NRP2: variants seen among roughly 807,000 people sequenced by gnomAD.
The protein encoded by NRP2 is neuropilin 2.
Under a neutral mutation model 110.4 loss-of-function variants are expected in NRP2, and 52 were observed. That is an observed-to-expected ratio of 0.47 (90% confidence interval 0.38 to 0.59). NRP2 has a LOEUF of 0.59. Among genes scored for constraint, NRP2 ranks in the 20% least tolerant of loss-of-function variants. The probability of loss-of-function intolerance (pLI) is 0.00; values close to 1 mark genes in which losing one functional copy is unlikely to be tolerated. For synonymous variants in NRP2, 508 were observed against 468.9 expected, an observed-to-expected ratio of 1.08 and a Z score of -1.08; for missense variants, 1,049 against 1,203.0, an observed-to-expected ratio of 0.87 and a Z score of 1.89.
intron 13 of NRP2, among the ~76,000 whole-genome samples, chr2:205,764,990 A>G (rs753932557): frequency 2.6e-5 from 4 of 152,196 alleles, no homozygotes; most frequent in Non-Finnish European, 5.9e-5. Flanking sequence ...TCCTAGTTGT[A>G]ATAATGAAGC....
chr2:205,721,692 C>T (rs1005524358), intron 3 of NRP2, among the ~76,000 whole-genome samples: 6 of 152,172 alleles, frequency 3.9e-5, no homozygotes, highest in Admixed American at 1.3e-4. Context: ...AAAGCAGACG[C>T]AAGAGCTCAG....
intron 5 of NRP2, 50 bp downstream of exon 5, chr2:205,723,990 G>T: frequency 6.2e-7 from 1 of 1,607,720 alleles, no homozygotes; most frequent in Non-Finnish European, 8.5e-7. Flanking sequence ...TCAGGGCTGT[G>T]AGGGTGTACA....
At position 205,794,900 on chromosome 2, in the gene NRP2, G is replaced by A; in HGVS notation, c.2623G>A (p.Gly875Arg). The A allele has an allele frequency of 6.2e-7, 1 of 1,614,106 alleles. No individual in the cohort carries two copies. Among genetic ancestry groups the A allele is most frequent in the Non-Finnish European group, 8.5e-7 (1 of 1,180,018 alleles). ...CATGAGCTCACTGGGCGTCCTCCTG[G>A]GGGCCACCTGTGCAGGCCTCCTGCT... ...IAMSSLGVLLGATCAGLLLYC... is the reference protein window; with the variant it reads ...IAMSSLGVLLRATCAGLLLYC... The change falls in exon 17 of 17, where the codon GGG (glycine) becomes AGG (arginine). Residue 875 changes from glycine (G) to arginine (R), a missense_variant. Gly to Arg is a moderately radical substitution (Grantham distance 125, BLOSUM62 -2). Transcript: ENST00000357785.
intron 1 of NRP2, among the ~76,000 whole-genome samples, chr2:205,689,375 T>C (rs898785813): frequency 1.3e-5 from 2 of 152,212 alleles, no homozygotes; most frequent in Non-Finnish European, 1.5e-5. Context: ...TTCATAGGGT[T>C]GTTGGGCTAT....
chr2:205,756,906 G>A (rs1049237972), intron 12 of NRP2: 7 of 152,146 alleles, frequency 4.6e-5, no homozygotes, highest in African/African-American at 1.4e-4. Context: ...ATCAAAAAGA[G>A]CATTGTAAGT....
chr2:205,728,575 G>A lies in NRP2; in HGVS notation c.1146+529G>A, dbSNP rs192486956. 9.7e-4 allele frequency among the ~76,000 whole-genome samples: 148 copies of A among 152,360 alleles called. 1 individual carries two copies. Among genetic ancestry groups the A allele is most frequent in the Admixed American group, 9.5e-3 (146 of 15,308 alleles). ...TGAACTGGCAATCATGCTTAGCGGCGAGGCATTGAATTCTCTCTGCTGGTG... is the reference window on the plus strand; with the variant it reads ...TGAACTGGCAATCATGCTTAGCGGCAAGGCATTGAATTCTCTCTGCTGGTG... On this transcript the variant is annotated intron_variant, in intron 7 of 16. Coordinates refer to ENST00000357785, the MANE Select transcript of NRP2 (RefSeq NM_003872.3).
At chr2:205,702,639 A>G (rs1270015369) in intron 2 of NRP2, among the ~76,000 whole-genome samples, 4 of 152,236 alleles carry the variant, frequency 2.6e-5, no homozygotes, top group Admixed American at 2.6e-4. Context: ...GTAAGAGATG[A>G]TATCTTAGAA....
chr2:205,690,015 C>A (rs1228329267), intron 1 of NRP2, among the ~76,000 whole-genome samples: 2 of 152,196 alleles, frequency 1.3e-5, no homozygotes, highest in East Asian at 3.8e-4. Context: ...CTCGGTAGCA[C>A]AGAGTGCACG....
rs113703468 is a variant in NRP2, at chr2:205,725,559, G to C, written c.821-354G>C. Among the ~76,000 whole-genome samples the C allele has an allele frequency of 6.6e-6, 1 of 152,168 alleles. No homozygotes were observed. Among genetic ancestry groups the C allele is most frequent in the Non-Finnish European group, 1.5e-5 (1 of 68,036 alleles). ...CACGATGTATGAGCTCACCCAAATC[G>C]CCACGAGTCTATCTCACATTTACCT... is the stretch of plus-strand genomic sequence containing the variant. On this transcript the variant is annotated intron_variant, in intron 5 of 16. Transcript: ENST00000357785. The surrounding 1 kb of genome is among the most constrained non-coding windows in gnomAD (Gnocchi z 4.1).
chr2:205,765,482 C>G lies in NRP2; in HGVS notation c.2316C>G (p.Phe772Leu). 6.2e-7 allele frequency: 1 copy of G among 1,613,850 alleles called. No individual in the cohort carries two copies. Among genetic ancestry groups the G allele is most frequent in the Non-Finnish European group, 8.5e-7 (1 of 1,179,824 alleles). Residue 772 changes from phenylalanine to leucine, a missense_variant, in exon 14 of 17, where the codon TTC becomes TTG. Coordinates refer to ENST00000357785, the MANE Select transcript of NRP2 (RefSeq NM_003872.3). ...PSYDMEYQIVFEGVIGKGRSG... is the reference protein window; with the variant it reads ...PSYDMEYQIVLEGVIGKGRSG... ...ATTCTTCCGGCTTCTAGATTGTGTT[C>G]GAGGGAGTGATAGGGAAAGGACGTT...
intron 15 of NRP2, chr2:205,776,231 G>C: frequency 6.2e-7 from 1 of 1,610,294 alleles, no homozygotes; most frequent in Middle Eastern, 1.6e-4. Flanking sequence ...ACACTCTTCT[G>C]TGTCTCTCCA....
Position 205,794,860 on chromosome 2 carries a change from C to G in NRP2, c.2583C>G (p.Leu861=), listed in dbSNP as rs1187622480. ...KSWLYTLDPI[L]ITIIAMSSLG... ...GGCTGTACACCCTGGATCCCATCCT[C>G]ATCACCATCATCGCCATGAGCTCAC... is the stretch of plus-strand genomic sequence containing the variant. Residue 861 remains leucine (L), a synonymous_variant, in exon 17 of 17, where the codon CTC becomes CTG. Coordinates refer to ENST00000357785, the MANE Select transcript of NRP2 (RefSeq NM_003872.3). The G allele has an allele frequency of 6.2e-7, 1 of 1,614,206 alleles. No individual in the cohort carries two copies. The highest frequency in any genetic ancestry group is 1.1e-5 in the South Asian group (1 of 91,092).
intron 4 of NRP2, among the ~76,000 whole-genome samples, chr2:205,723,052 G>T (rs984500471): frequency 5.9e-5 from 9 of 152,212 alleles, no homozygotes; most frequent in African/African-American, 1.4e-4. Flanking sequence ...GAGCCAGACT[G>T]GCCGGGCTTA....
intron 1 of NRP2, among the ~76,000 whole-genome samples, chr2:205,683,843 A>G (rs958512428): frequency 3.3e-5 from 5 of 152,138 alleles, no homozygotes; most frequent in African/African-American, 1.2e-4. Flanking sequence ...TGGTTTTCAG[A>G]TGCTGTAGAT....
rs552640342 is a variant in NRP2, at chr2:205,796,770, C to T, written c.*1712C>T. 7 of 152,738 alleles carry T rather than the reference C, an allele frequency of 4.6e-5. No individual in the cohort carries two copies. The highest frequency in any genetic ancestry group is 1.3e-4 in the Admixed American group (2 of 15,294). The allele number at this position is 152,738 out of a possible 1,614,324, so 9.5% of individuals were successfully genotyped here. A position where few individuals can be genotyped will look rare whatever the true frequency, so the allele number is the denominator to read the frequency against. ...GATCCAAATCTTGATTTCATATTAACGCCTAAGGATTGCCTGTGTGCTGGA... is the reference window on the plus strand; with the variant it reads ...GATCCAAATCTTGATTTCATATTAATGCCTAAGGATTGCCTGTGTGCTGGA... On this transcript the variant is annotated 3_prime_UTR_variant, in exon 17 of 17. Transcript: ENST00000357785.
chr2:205,700,959 AAC>A, intron 2 of NRP2: 1 of 316,206 alleles, frequency 3.2e-6, no homozygotes, highest in Non-Finnish European at 6.3e-6. Flanking sequence ...CGTCTGGGCA[AAC>A]AGAGAGAAGC....
chr2:205,702,197 C>A (rs1405189582), intron 2 of NRP2, among the ~76,000 whole-genome samples: 3 of 152,208 alleles, frequency 2.0e-5, no homozygotes, highest in Non-Finnish European at 4.4e-5. Flanking sequence ...CATCCTGTTA[C>A]GAGTATGCCT....
intron 3 of NRP2, among the ~76,000 whole-genome samples, chr2:205,717,215 G>C (rs577424704): frequency 6.6e-6 from 1 of 151,836 alleles, no homozygotes; most frequent in East Asian, 1.9e-4. Context: ...ATGTCCTCCA[G>C]TCCTCCCCAC....
intron 2 of NRP2, among the ~76,000 whole-genome samples, chr2:205,712,063 GT>G (rs2056809328): frequency 6.6e-6 from 1 of 152,174 alleles, no homozygotes; most frequent in African/African-American, 2.4e-5. Flanking sequence ...CCAAATGTAG[GT>G]TTGGGGAGAG....
Sources: gnomAD v4.1 joint callset for allele counts (sites outside exome capture counted in the v4.1 genomes callset) on GRCh38, gnomAD v4.1.1 for gene constraint, Gnocchi (gnomAD v3.1) non-coding constraint, MANE v1.5 for transcripts, NCBI Gene and HGNC (gene_info 2026-07-23, HGNC 2026-07-21) for gene names.